Variants in DAZAP2 observed in about 807,000 individuals in gnomAD.
DAZAP2 encodes the protein DAZ-associated protein 2.
Under a neutral mutation model 16.2 loss-of-function variants are expected in DAZAP2, and 3 were observed. That is an observed-to-expected ratio of 0.19 (90% CI 0.08 to 0.48). DAZAP2 has a LOEUF of 0.48. Among genes scored for constraint, DAZAP2 ranks in the 20% least tolerant of loss-of-function variants. The pLI is 0.98. For missense variants in DAZAP2, 172 were observed against 215.9 expected (o/e 0.80, Z 1.27); for synonymous variants, 69 against 77.6 (o/e 0.89, Z 0.58).
At position 51,243,422 on chromosome 12, in the gene DAZAP2, A is replaced by C. The variant is rs1282793081; in HGVS notation, c.*964A>C. On this transcript the variant is annotated 3_prime_UTR_variant, in exon 4 of 4. Coordinates refer to ENST00000412716, the MANE Select transcript of DAZAP2 (RefSeq NM_014764.4). ...TTTTGTCAGAGTGTCTGATGCGGCCACTCATTCGGCTCCCCAGAATTCCTA... is the reference window on the plus strand; with the variant it reads ...TTTTGTCAGAGTGTCTGATGCGGCCCCTCATTCGGCTCCCCAGAATTCCTA... 1 of 985,662 alleles carries C rather than the reference A, an allele frequency of 1.0e-6. No homozygotes were observed. The highest frequency in any genetic ancestry group is 1.2e-6 in the Non-Finnish European group (1 of 829,902). 61.1% of individuals were successfully genotyped at this position (985,662 alleles called of 1,614,324 possible). A position where few individuals can be genotyped will look rare whatever the true frequency, so the allele number is the denominator to read the frequency against.
downstream of DAZAP2, among the ~76,000 whole-genome samples, chr12:51,244,402 C>T (rs1426696990): frequency 6.6e-6 from 1 of 152,128 alleles, no homozygotes; most frequent in Non-Finnish European, 1.5e-5. Context: ...ACTGCGTTGG[C>T]CACGCTGGTC....
chr12:51,245,801 G>T, downstream of DAZAP2: 5 of 917,900 alleles, frequency 5.4e-6, no homozygotes, highest in Non-Finnish European at 6.5e-6. Context: ...GTCGGCATTT[G>T]GGACTGCGAC....
At chr12:51,240,834 T>C (rs1197454082) in intron 2 of DAZAP2, 37 bp from the exon 3 acceptor site, 1 of 1,602,050 alleles carries the variant, frequency 6.2e-7, no homozygotes, top group African/African-American at 1.3e-5. Context: ...AGGAATGTCA[T>C]AAAGTAACAT....
Position 51,242,619 on chromosome 12 carries a change from A to T in DAZAP2, c.*161A>T, listed in dbSNP as rs987071954. On this transcript the variant is annotated 3_prime_UTR_variant, in exon 4 of 4. Coordinates refer to ENST00000412716, the MANE Select transcript of DAZAP2 (RefSeq NM_014764.4). ...CTTTCAGGCACTTTTCAAATTTAAT[A>T]AGGAACCATGTAATGGTAGCAGTAC... The T allele has an allele frequency of 6.4e-7, 1 of 1,571,678 alleles. No individual in the cohort carries two copies. Among genetic ancestry groups the T allele is most frequent in the Admixed American group, 1.9e-5 (1 of 52,262 alleles).
At position 51,242,481 on chromosome 12, in the gene DAZAP2, C is replaced by A; in HGVS notation, c.*23C>A. 6.2e-7 allele frequency: 1 copy of A among 1,613,864 alleles called. No individual in the cohort carries two copies. On this transcript the variant is annotated 3_prime_UTR_variant, in exon 4 of 4. Coordinates refer to ENST00000412716, the MANE Select transcript of DAZAP2 (RefSeq NM_014764.4). ...TGAGGAACCAAGGCCACCTCTGTGC[C>A]GGGAAAGACATCACATACCTTCAGC...
rs571090536 is a variant in DAZAP2, at chr12:51,242,396, G to T, written c.445G>T (p.Val149Leu). The T allele has an allele frequency of 6.2e-7, 1 of 1,614,076 alleles. No homozygotes were observed. The highest frequency in any genetic ancestry group is 2.2e-5 in the East Asian group (1 of 44,874). Residue 149 changes from valine (V) to leucine (L), a missense_variant, in exon 4 of 4, where the codon GTA becomes TTA. By Grantham distance (32) the Val-to-Leu change is conservative. Transcript: ENST00000412716. Reference protein sequence around the residue: ...LAVMQGANVLVTQRKGNFFMG... With the variant: ...LAVMQGANVLLTQRKGNFFMG... ...AGTCATGCAGGGAGCCAACGTCCTC[G>T]TAACTCAGCGGAAGGGGAACTTCTT...
downstream of DAZAP2, chr12:51,246,379 G>T: frequency 2.0e-6 from 1 of 489,496 alleles, no homozygotes; most frequent in Non-Finnish European, 3.6e-6. Flanking sequence ...ACCAGTTCCT[G>T]ATTCTTAAAG....
downstream of DAZAP2, chr12:51,246,647 C>T (rs1592230512): frequency 6.9e-6 from 3 of 435,674 alleles, no homozygotes; most frequent in East Asian, 1.1e-4. Context: ...TGTAATATAA[C>T]TTACAAGCCA....
chr12:51,238,985 G>A, intron 1 of DAZAP2, 65 bp downstream of exon 1: 6 of 1,599,972 alleles, frequency 3.8e-6, no homozygotes, highest in Non-Finnish European at 5.1e-6. Context: ...AGCGGATTCG[G>A]AGCCCAGGGT....
downstream of DAZAP2, among the ~76,000 whole-genome samples, chr12:51,244,406 G>A (rs12810691): frequency 5.9e-5 from 9 of 152,128 alleles, no homozygotes; most frequent in Admixed American, 3.3e-4. Flanking sequence ...CGTTGGCCAC[G>A]CTGGTCTCAA....
At chr12:51,241,586 C>T (rs534480365) in intron 3 of DAZAP2, among the ~76,000 whole-genome samples, 1 of 152,284 alleles carries the variant, frequency 6.6e-6, no homozygotes, top group East Asian at 1.9e-4. Flanking sequence ...GGATTTAGAG[C>T]TCAAATGACT....
At chr12:51,240,528 T>A in intron 2 of DAZAP2, 67 bp downstream of exon 2, 2 of 1,291,222 alleles carry the variant, frequency 1.5e-6, no homozygotes, top group Non-Finnish European at 2.2e-6. Context: ...AGTCCTTAGC[T>A]AAATCTGACT....
At position 51,242,880 on chromosome 12, in the gene DAZAP2, C is replaced by G. The variant is rs1224436388; in HGVS notation, c.*422C>G. The stretch of plus-strand genomic sequence containing the variant: ...TCCTTTAAGTCTTTGATATATATTA[C>G]TTGTTATAAATGGAACGCATTAGTT... On this transcript the variant is annotated 3_prime_UTR_variant, in exon 4 of 4. Transcript: ENST00000412716. 1.2e-5 allele frequency: 15 copies of G among 1,296,906 alleles called. No individual in the cohort carries two copies. Among genetic ancestry groups the G allele is most frequent in the Non-Finnish European group, 1.5e-5 (15 of 1,024,096 alleles). The allele number at this position is 1,296,906 out of a possible 1,614,324, so 80.3% of individuals were successfully genotyped here. A position where few individuals can be genotyped will look rare whatever the true frequency, so the allele number is the denominator to read the frequency against.
chr12:51,246,330 C>T (rs552375926), downstream of DAZAP2: 115 of 613,712 alleles, frequency 1.9e-4, no homozygotes, highest in African/African-American at 2.0e-3. Context: ...GCTAAGGACA[C>T]ATGCTTTTGA....
chr12:51,241,266 G>C, intron 3 of DAZAP2, 150 bp downstream of exon 3: 2 of 1,277,526 alleles, frequency 1.6e-6, no homozygotes, highest in Non-Finnish European at 2.1e-6. Context: ...AAGTGTTTGA[G>C]GGGGCAGAAC....
Position 51,243,480 on chromosome 12 carries a change from T to C in DAZAP2, c.*1022T>C. Reference sequence around the variant, plus strand: ...TTAATAGGGTCATATTGTGAATGTCTCACTACAAAATGACTTGAGTCCAGT... The same window carrying C: ...TTAATAGGGTCATATTGTGAATGTCCCACTACAAAATGACTTGAGTCCAGT... On this transcript the variant is annotated 3_prime_UTR_variant, in exon 4 of 4. Transcript: ENST00000412716. The C allele has an allele frequency of 1.0e-6, 1 of 985,874 alleles. No individual in the cohort carries two copies. Among genetic ancestry groups the C allele is most frequent in the Non-Finnish European group, 1.2e-6 (1 of 829,942 alleles). 61.1% of individuals were successfully genotyped at this position (985,874 alleles called of 1,614,324 possible).
chr12:51,246,191 GATTT>G, downstream of DAZAP2: 1 of 1,558,798 alleles, frequency 6.4e-7, no homozygotes, highest in Non-Finnish European at 8.7e-7. Flanking sequence ...GGAGTCATCT[GATTT>G]AGTCACTGTT....
In DAZAP2 at chr12:51,242,959, T is replaced by G. The variant is rs1944705812; in HGVS notation, c.*501T>G. 9.3e-7 allele frequency: 1 copy of G among 1,073,502 alleles called. No individual in the cohort carries two copies. Among genetic ancestry groups the G allele is most frequent in the African/African-American group, 1.7e-5 (1 of 59,244 alleles). The allele number at this position is 1,073,502 out of a possible 1,614,324, so 66.5% of individuals were successfully genotyped here. On this transcript the variant is annotated 3_prime_UTR_variant, in exon 4 of 4. Coordinates refer to ENST00000412716, the MANE Select transcript of DAZAP2 (RefSeq NM_014764.4). ...CCACCCATCCCATCTCCAACCCTAG[T>G]CTTCCATTTCCTCCCGCCAGTCTCC... is the stretch of plus-strand genomic sequence containing the variant.
In DAZAP2 at chr12:51,242,674, T is replaced by C. The variant is rs1592228117; in HGVS notation, c.*216T>C. On this transcript the variant is annotated 3_prime_UTR_variant, in exon 4 of 4. Coordinates refer to ENST00000412716, the MANE Select transcript of DAZAP2 (RefSeq NM_014764.4). Reference sequence around the variant, plus strand: ...CTAAAGCATTTTGAGGTAGGGGAGGTATCCATTCATAAAATGAATGTGGGT... The same window carrying C: ...CTAAAGCATTTTGAGGTAGGGGAGGCATCCATTCATAAAATGAATGTGGGT... 6.6e-7 allele frequency: 1 copy of C among 1,514,780 alleles called. No homozygotes were observed. Among genetic ancestry groups the C allele is most frequent in the East Asian group, 2.5e-5 (1 of 40,726 alleles). The allele number at this position is 1,514,780 out of a possible 1,614,324, so 93.8% of individuals were successfully genotyped here.
Sources: gnomAD v4.1 joint callset for allele counts (sites outside exome capture counted in the v4.1 genomes callset) on GRCh38, gnomAD v4.1.1 for gene constraint, MANE v1.5 for transcripts, NCBI Gene and HGNC (gene_info 2026-07-23, HGNC 2026-07-21) for gene names.